TOPBP1: variants seen among roughly 807,000 people sequenced by gnomAD.
TOPBP1 encodes DNA topoisomerase II binding protein 1, also known as DNA topoisomerase 2-binding protein 1.
TOPBP1 carries 28 observed loss-of-function variants against 167.7 expected under a neutral mutation model. The ratio of observed to expected loss-of-function variants is 0.17; its 90% CI spans 0.12 to 0.23. The LOEUF (loss-of-function observed/expected upper bound fraction) is 0.23. Among genes scored for constraint, TOPBP1 ranks in the 10% least tolerant of loss-of-function variants. The probability of loss-of-function intolerance (pLI) is 1.00; values close to 1 mark genes in which losing one functional copy is unlikely to be tolerated. For missense variants in TOPBP1, 1,554 were observed against 1,809.6 expected (o/e 0.86, Z 2.56); for synonymous variants, 598 against 611.4 (o/e 0.98, Z 0.32).
intron 23 of TOPBP1, among the ~76,000 whole-genome samples, chr3:133,614,415 A>G (rs1934792010): frequency 6.6e-6 from 1 of 152,198 alleles, no homozygotes; most frequent in Admixed American, 6.5e-5. Context: ...CCCAGACAAC[A>G]TAATAGACTG....
intron 14 of TOPBP1, among the ~76,000 whole-genome samples, chr3:133,630,908 A>G (rs1405739207): frequency 6.6e-6 from 1 of 152,206 alleles, no homozygotes; most frequent in African/African-American, 2.4e-5. Flanking sequence ...AAATCTGATC[A>G]TCTAGGCTGG....
At position 133,640,140 on chromosome 3, in the gene TOPBP1, A is replaced by C; in HGVS notation, c.2052T>G (p.Asn684Lys). Reference protein sequence around the residue: ...SVQEYFVRKSNAKKGMFASTH... With the variant: ...SVQEYFVRKSKAKKGMFASTH... ...TACTGGCAAACATGCCTTTCTTTGC[A>C]TTGGATTTGCGAACAAAGTATTCTT... Residue 684 changes from asparagine to lysine, a missense_variant, in exon 13 of 28, where the codon AAT becomes AAG. Asn to Lys is a moderately conservative substitution (Grantham distance 94). This residue lies in a region of TOPBP1 where 1,197 missense variants were observed against 1,351.5 expected (regional missense o/e 0.89). Coordinates refer to ENST00000260810, the MANE Select transcript of TOPBP1 (RefSeq NM_007027.4). 6.2e-7 allele frequency: 1 copy of C among 1,613,634 alleles called. No homozygotes were observed. The highest frequency in any genetic ancestry group is 8.5e-7 in the Non-Finnish European group (1 of 1,179,776).
intron 12 of TOPBP1, among the ~76,000 whole-genome samples, chr3:133,642,165 T>C (rs1470175636): frequency 6.6e-6 from 1 of 152,074 alleles, no homozygotes; most frequent in Non-Finnish European, 1.5e-5. Flanking sequence ...CATTTTTTTT[T>C]ATTATTTTTT....
intron 12 of TOPBP1, among the ~76,000 whole-genome samples, chr3:133,642,565 G>C (rs1258583163): frequency 6.6e-6 from 1 of 152,154 alleles, no homozygotes; most frequent in African/African-American, 2.4e-5. Context: ...GGATCTAGAA[G>C]CATCATCAGA....
At chr3:133,653,878 T>C (rs1199919670) in intron 6 of TOPBP1, among the ~76,000 whole-genome samples, 1 of 152,138 alleles carries the variant, frequency 6.6e-6, no homozygotes, top group Non-Finnish European at 1.5e-5. Flanking sequence ...GTGATTCGCC[T>C]GCCTTGGCCT....
Position 133,649,420 on chromosome 3 carries a change from ATCT to A in TOPBP1, c.1464_1466del (p.Glu488del). 6.2e-7 allele frequency: 1 copy of A among 1,613,780 alleles called. No homozygotes were observed. The highest frequency in any genetic ancestry group is 8.5e-7 in the Non-Finnish European group (1 of 1,179,864). ...TACCATTTTCATATTGAGAGAGCAG[ATCT>A]TCATCAGCTTGCTCATGCTTTTCAC... is the stretch of plus-strand genomic sequence containing the variant. On this transcript the variant is annotated inframe_deletion, in exon 10 of 28. Coordinates refer to ENST00000260810, the MANE Select transcript of TOPBP1 (RefSeq NM_007027.4).
chr3:133,626,295 G>T (rs968127064), intron 16 of TOPBP1, among the ~76,000 whole-genome samples: 2 of 152,100 alleles, frequency 1.3e-5, no homozygotes, highest in Non-Finnish European at 2.9e-5. Context: ...TTACTTCAGG[G>T]GTTATTTTGG....
chr3:133,611,864 G>GA, intron 24 of TOPBP1, among the ~76,000 whole-genome samples: 1 of 152,182 alleles, frequency 6.6e-6, no homozygotes, highest in Non-Finnish European at 1.5e-5. Context: ...AGCCTCCTAG[G>GA]TAGCTGGGAC....
At position 133,618,266 on chromosome 3, in the gene TOPBP1, A is replaced by G. The variant is rs375694192; in HGVS notation, c.3539T>C (p.Leu1180Ser). 18 of 1,614,004 alleles carry G rather than the reference A, an allele frequency of 1.1e-5. No homozygotes were observed. In the South Asian group the frequency reaches 2.0e-4, roughly 18 times the overall value. ...AGGCTTTTGAAAAGGAGAATCCTCC[A>G]AGTTTTGAATGTCAACCTGAAGCTC... Reference protein sequence around the residue: ...YSELQVDIQNLEDSPFQKPLH... With the variant: ...YSELQVDIQNSEDSPFQKPLH... The change falls in exon 21 of 28, where the codon TTG (leucine) becomes TCG (serine). Residue 1180 changes from leucine (L) to serine (S), a missense_variant. Around this residue, in one of 3 missense-constraint regions of TOPBP1, gnomAD observed 351 missense variants for 432.9 expected, o/e 0.81. Transcript: ENST00000260810.
At chr3:133,617,013 C>G (rs931195309) in intron 22 of TOPBP1, 88 bp from the exon 23 acceptor site, 67 of 1,272,616 alleles carry the variant, frequency 5.3e-5, no homozygotes, top group Non-Finnish European at 6.7e-5. Flanking sequence ...ACTCAGTCTT[C>G]TAAGTTATGA....
Position 133,659,085 on chromosome 3 carries a change from T to G in TOPBP1, c.150A>C (p.Ile50=), listed in dbSNP as rs749035501. The change falls in exon 3 of 28, where the codon ATA becomes ATC. Residue 50 remains isoleucine, a synonymous_variant. Coordinates refer to ENST00000260810, the MANE Select transcript of TOPBP1 (RefSeq NM_007027.4). ...TATAAAGTGATCTATCATTCTCCTT[T>G]ATCTTCAATGCCTCTTCTTCTGTAA... ...QIITEEEALK[I]KENDRSLYIC... 1.2e-5 allele frequency: 19 copies of G among 1,592,994 alleles called. No individual in the cohort carries two copies. The highest frequency in any genetic ancestry group is 6.7e-5 in the African/African-American group (5 of 74,808).
Position 133,623,193 on chromosome 3 carries a change from G to T in TOPBP1, c.3076C>A (p.Pro1026Thr). 1.2e-6 allele frequency: 2 copies of T among 1,610,668 alleles called. No homozygotes were observed. Among genetic ancestry groups the T allele is most frequent in the Non-Finnish European group, 1.7e-6 (2 of 1,178,298 alleles). The stretch of plus-strand genomic sequence containing the variant: ...TTTTCTTCTAAAATCAAAGGATCTG[G>T]CTATTGAAAAAGAAAAATTATAAAT... ...SAVSSTKDDE[P>T]DPLILEENDV... Residue 1026 changes from proline to threonine, a missense_variant and splice_region_variant, in exon 19 of 28, where the codon CCA becomes ACA. By Grantham distance (38) the Pro-to-Thr change is conservative (BLOSUM62 -1). Coordinates refer to ENST00000260810, the MANE Select transcript of TOPBP1 (RefSeq NM_007027.4).
chr3:133,610,515 CAT>C (rs57268162), intron 25 of TOPBP1, among the ~76,000 whole-genome samples: 16,479 of 151,484 alleles, frequency 0.11, 961 homozygotes, highest in Middle Eastern at 0.16. Flanking sequence ...AAAACAGAAA[CAT>C]GTGATTTCTG....
At chr3:133,611,380 A>G (rs3772679) in intron 24 of TOPBP1, among the ~76,000 whole-genome samples, 21,308 of 152,224 alleles carry the variant, frequency 0.14, 1,819 homozygotes, top group East Asian at 0.38. Context: ...TACCACATAC[A>G]TTTTTAAGAA....
intron 13 of TOPBP1, 89 bp downstream of exon 13, chr3:133,639,870 C>T: frequency 7.5e-7 from 1 of 1,341,332 alleles, no homozygotes; most frequent in Non-Finnish European, 1.0e-6. Context: ...AAATCAATGA[C>T]CCTTCCTAAA....
At chr3:133,618,487 T>A in intron 20 of TOPBP1, 54 bp from the exon 21 acceptor site, 1 of 1,554,614 alleles carries the variant, frequency 6.4e-7, no homozygotes, top group East Asian at 2.3e-5. Flanking sequence ...TCCAAACTCA[T>A]TAAATCCATA....
chr3:133,660,131 G>C (rs1018950039), intron 2 of TOPBP1, among the ~76,000 whole-genome samples: 7 of 152,028 alleles, frequency 4.6e-5, no homozygotes, highest in Non-Finnish European at 1.0e-4. Flanking sequence ...TGCTCTCTCT[G>C]CCTGCAACAT....
Position 133,611,873 on chromosome 3 carries a change from A to G in TOPBP1, c.4035+516T>C, listed in dbSNP as rs1475647794. 2.0e-5 allele frequency among the ~76,000 whole-genome samples: 3 copies of G among 152,152 alleles called. No homozygotes were observed. In the East Asian group the frequency reaches 5.8e-4, roughly 29 times the overall value. On this transcript the variant is annotated intron_variant, in intron 24 of 27. Coordinates refer to ENST00000260810, the MANE Select transcript of TOPBP1 (RefSeq NM_007027.4). ...CACTTCAGCCTCCTAGGTAGCTGGG[A>G]CTACAGATGGGAACCACCATGCCCA...
At chr3:133,641,245 G>T (rs1027289239) in intron 12 of TOPBP1, among the ~76,000 whole-genome samples, 7 of 152,152 alleles carry the variant, frequency 4.6e-5, no homozygotes. Flanking sequence ...TATTTGAAAT[G>T]TCACTTGTAT....
Sources: gnomAD v4.1 joint callset for allele counts (sites outside exome capture counted in the v4.1 genomes callset) on GRCh38, gnomAD v4.1.1 for gene constraint, gnomAD v4.1.1 regional missense constraint, MANE v1.5 for transcripts, NCBI Gene and HGNC (gene_info 2026-07-23, HGNC 2026-07-21) for gene names.